RXFP2: variants seen among roughly 807,000 people sequenced by gnomAD.
RXFP2 encodes the protein relaxin family peptide receptor 2.
In RXFP2, 68 loss-of-function variants were observed where a neutral mutation model predicts 88.6. The ratio of observed to expected loss-of-function variants is 0.77; its 90% CI spans 0.63 to 0.94. RXFP2 has a LOEUF of 0.94. Among genes scored for constraint, RXFP2 ranks in the 40% least tolerant of loss-of-function variants. The pLI, the probability that RXFP2 is intolerant of heterozygous loss-of-function variation, is 0.00. For synonymous variants in RXFP2, 329 were observed against 306.8 expected, an observed-to-expected ratio of 1.07 and a Z score of -0.76; for missense variants, 791 against 893.9, an observed-to-expected ratio of 0.88 and a Z score of 1.47.
chr13:31,790,286 AG>A (rs1330135042), intron 14 of RXFP2, among the ~76,000 whole-genome samples: 1 of 152,152 alleles, frequency 6.6e-6, no homozygotes, highest in Non-Finnish European at 1.5e-5. Context: ...AACCACTGAG[AG>A]ATGCTAGACG....
intron 9 of RXFP2, among the ~76,000 whole-genome samples, chr13:31,779,251 G>A (rs762016708): frequency 1.1e-4 from 16 of 151,112 alleles, no homozygotes; most frequent in African/African-American, 1.9e-4. Flanking sequence ...TCAGCCTCCC[G>A]AGTATCTGGG....
At chr13:31,749,119 C>T (rs950591274) in intron 1 of RXFP2, among the ~76,000 whole-genome samples, 3 of 152,186 alleles carry the variant, frequency 2.0e-5, no homozygotes, top group Non-Finnish European at 4.4e-5. Flanking sequence ...ATCTATCTCA[C>T]AGTCATAAAG....
intron 16 of RXFP2, among the ~76,000 whole-genome samples, chr13:31,796,039 T>A (rs2138464854): frequency 5.9e-5 from 2 of 33,800 alleles, no homozygotes; most frequent in African/African-American, 1.4e-4. Flanking sequence ...TGTGTTATTC[T>A]TTTTTTTTTT....
At chr13:31,776,254 T>TTC (rs1872973328) in intron 7 of RXFP2, among the ~76,000 whole-genome samples, 1 of 27,444 alleles carries the variant, frequency 3.6e-5, no homozygotes, top group African/African-American at 1.6e-4. Context: ...TCTTTCCTTC[T>TTC]TTTTTTTTTT....
chr13:31,765,873 C>A (rs943334172), intron 4 of RXFP2, 83 bp from the exon 5 acceptor site: 1 of 732,818 alleles, frequency 1.4e-6, no homozygotes, highest in African/African-American at 1.8e-5. Context: ...ATCAAATATT[C>A]TTTTCCCAAG....
chr13:31,782,874 A>G (rs918553679), intron 11 of RXFP2, 127 bp downstream of exon 11: 8 of 677,092 alleles, frequency 1.2e-5, no homozygotes, highest in African/African-American at 9.0e-5. Flanking sequence ...ATTAAAAATC[A>G]ATTAAGAAAA....
intron 1 of RXFP2, among the ~76,000 whole-genome samples, chr13:31,747,687 T>A (rs1449611398): frequency 9.2e-5 from 14 of 152,212 alleles, no homozygotes. Context: ...GAATCAAAAT[T>A]AATAAATTCC....
At chr13:31,798,629 C>T (rs1480079507) in intron 17 of RXFP2, among the ~76,000 whole-genome samples, 3 of 152,134 alleles carry the variant, frequency 2.0e-5, no homozygotes, top group African/African-American at 4.8e-5. Flanking sequence ...CAAAAGTGTC[C>T]GTTGGCCTCC....
At chr13:31,800,894 ATAATTT>A (rs1874302553) in intron 17 of RXFP2, among the ~76,000 whole-genome samples, 1 of 152,216 alleles carries the variant, frequency 6.6e-6, no homozygotes, top group Non-Finnish European at 1.5e-5. Context: ...AGGCTAAAAC[ATAATTT>A]TTTTCTTTCA....
intron 1 of RXFP2, among the ~76,000 whole-genome samples, chr13:31,744,656 T>G (rs1261596285): frequency 6.6e-6 from 1 of 152,200 alleles, no homozygotes; most frequent in African/African-American, 2.4e-5. Flanking sequence ...AAGATAATTT[T>G]AACTAATTCT....
chr13:31,762,513 G>A (rs1426902708), intron 3 of RXFP2, among the ~76,000 whole-genome samples: 1 of 152,182 alleles, frequency 6.6e-6, no homozygotes, highest in African/African-American at 2.4e-5. Context: ...GAAGGGTTTT[G>A]GTGTACACCT....
Position 31,791,722 on chromosome 13 carries a change from A to G in RXFP2, c.1146-84A>G, listed in dbSNP as rs1873797919. On this transcript the variant is annotated intron_variant, in intron 14 of 17. Transcript: ENST00000298386. ...AACCTAGTGAAGTTGTATACCTAGC[A>G]TGGAGTTGCAGCCCCGATAGGACTG... 1.2e-5 allele frequency: 11 copies of G among 899,818 alleles called. No homozygotes were observed. In the South Asian group the frequency reaches 1.3e-4, roughly 11 times the overall value. 55.7% of individuals were successfully genotyped at this position (899,818 alleles called of 1,614,324 possible). A position where few individuals can be genotyped will look rare whatever the true frequency, so the allele number is the denominator to read the frequency against.
chr13:31,792,658 C>T lies in RXFP2; in HGVS notation c.1376-20C>T, dbSNP rs373746971. ...GGACATTGGAAACTGATGACATACA[C>T]TGTTTCAATTCTTCCACAGGTGCTG... On this transcript the variant is annotated intron_variant, in intron 15 of 17. Coordinates refer to ENST00000298386, the MANE Select transcript of RXFP2 (RefSeq NM_130806.5). 3 of 1,612,664 alleles carry T rather than the reference C, an allele frequency of 1.9e-6. No homozygotes were observed. Among genetic ancestry groups the T allele is most frequent in the Admixed American group, 1.7e-5 (1 of 60,024 alleles).
At chr13:31,785,722 T>C (rs928707587) in intron 11 of RXFP2, among the ~76,000 whole-genome samples, 3 of 152,144 alleles carry the variant, frequency 2.0e-5, no homozygotes, top group Non-Finnish European at 4.4e-5. Context: ...CTTCTCTGGC[T>C]CAGAAATATA....
At position 31,802,405 on chromosome 13, in the gene RXFP2, G is replaced by A. The variant is rs1436271462; in HGVS notation, c.2265G>A (p.Ter755=). ...LGDSIMKPVS[*] is the part of the protein sequence containing the mutation. The stretch of plus-strand genomic sequence containing the variant: ...ACAGTATAATGAAACCAGTTTCCTA[G>A]CAATCATTTTGGATCACTGGACTTT... The change falls in exon 18 of 18, where the codon TAG becomes TAA. Residue 755 remains the stop codon, a stop_retained_variant. Transcript: ENST00000298386. 4 of 1,613,688 alleles carry A rather than the reference G, an allele frequency of 2.5e-6. No individual in the cohort carries two copies. Among genetic ancestry groups the A allele is most frequent in the Non-Finnish European group, 8.5e-7 (1 of 1,179,974 alleles).
chr13:31,787,749 C>T (rs1184662776), intron 13 of RXFP2, among the ~76,000 whole-genome samples: 1 of 152,186 alleles, frequency 6.6e-6, no homozygotes, highest in Non-Finnish European at 1.5e-5. Flanking sequence ...AAGCAATTCT[C>T]CTGCCTCAGC....
intron 5 of RXFP2, among the ~76,000 whole-genome samples, chr13:31,772,003 T>C (rs967872076): frequency 3.2e-5 from 3 of 92,560 alleles, no homozygotes; most frequent in African/African-American, 1.3e-4. Flanking sequence ...AATTGCCAGA[T>C]GAATGTGTTG....
chr13:31,758,168 A>G (rs2138403129), intron 1 of RXFP2, 90 bp from the exon 2 acceptor site: 1 of 1,298,512 alleles, frequency 7.7e-7, no homozygotes, highest in African/African-American at 1.5e-5. Context: ...GATGAACTCA[A>G]CTCATATAGC....
chr13:31,780,970 A>G (rs1156795628), intron 9 of RXFP2, among the ~76,000 whole-genome samples: 1 of 152,216 alleles, frequency 6.6e-6, no homozygotes, highest in Non-Finnish European at 1.5e-5. Context: ...CATTCTGAGC[A>G]GCATTGCCCT....
Sources: gnomAD v4.1 joint callset for allele counts (sites outside exome capture counted in the v4.1 genomes callset) on GRCh38, gnomAD v4.1.1 for gene constraint, MANE v1.5 for transcripts, NCBI Gene and HGNC (gene_info 2026-07-23, HGNC 2026-07-21) for gene names.